NCAM2: variants seen among roughly 807,000 people sequenced by gnomAD.
The protein encoded by NCAM2 is N-CAM-2.
NCAM2 carries 30 observed loss-of-function variants against 98.1 expected under a neutral mutation model. The observed-to-expected ratio is 0.31, with a 90% CI of 0.23 to 0.41. The LOEUF is 0.41. Ranked by LOEUF, NCAM2 falls within the 10% of genes least tolerant of loss-of-function variation. NCAM2 has a pLI of 1.00. For synonymous variants in NCAM2, 368 were observed against 342.4 expected, an observed-to-expected ratio of 1.07 and a Z score of -0.83; for missense variants, 867 against 1,005.8, an observed-to-expected ratio of 0.86 and a Z score of 1.87.
intron 10 of NCAM2, among the ~76,000 whole-genome samples, chr21:21,413,246 T>C (rs1018843325): frequency 2.6e-5 from 4 of 152,166 alleles, no homozygotes. Context: ...TAGAATAATA[T>C]TGTGCTTTGC....
At chr21:21,523,014 G>A (rs1298692339) in intron 16 of NCAM2, among the ~76,000 whole-genome samples, 1 of 151,894 alleles carries the variant, frequency 6.6e-6, no homozygotes, top group African/African-American at 2.4e-5. Flanking sequence ...ACTTGTTTAT[G>A]TTTTGTTGTT....
At chr21:21,012,107 T>A (rs925057122) in intron 1 of NCAM2, among the ~76,000 whole-genome samples, 37 of 152,162 alleles carry the variant, frequency 2.4e-4, no homozygotes, top group Admixed American at 1.2e-3. Flanking sequence ...TATCATTGGT[T>A]CATTGCTTTT....
At chr21:21,326,424 A>G (rs1355570713) in intron 6 of NCAM2, among the ~76,000 whole-genome samples, 2 of 152,168 alleles carry the variant, frequency 1.3e-5, no homozygotes, top group Non-Finnish European at 2.9e-5. Context: ...TAGTTTGGTC[A>G]GTTTAGTTGT....
At chr21:21,478,617 T>A (rs1985464082) in intron 15 of NCAM2, among the ~76,000 whole-genome samples, 1 of 152,026 alleles carries the variant, frequency 6.6e-6, no homozygotes, top group Non-Finnish European at 1.5e-5. Flanking sequence ...ATATTAGAGC[T>A]TTATATTGCT....
chr21:21,358,315 A>G (rs1034365818), intron 8 of NCAM2, among the ~76,000 whole-genome samples: 5 of 152,076 alleles, frequency 3.3e-5, no homozygotes, highest in Non-Finnish European at 7.4e-5. Flanking sequence ...CTCACTCCCT[A>G]AGATATAACT....
At chr21:21,133,128 G>T (rs1405723245) in intron 1 of NCAM2, among the ~76,000 whole-genome samples, 1 of 151,962 alleles carries the variant, frequency 6.6e-6, no homozygotes, top group Non-Finnish European at 1.5e-5. Flanking sequence ...ACATTCCATT[G>T]CTTTAATTTA....
At chr21:21,464,721 T>A (rs531440717) in intron 12 of NCAM2, among the ~76,000 whole-genome samples, 1 of 152,284 alleles carries the variant, frequency 6.6e-6, no homozygotes, top group Non-Finnish European at 1.5e-5. Context: ...CATTCCATAA[T>A]CTATATAAAC....
intron 5 of NCAM2, among the ~76,000 whole-genome samples, chr21:21,316,033 CT>C (rs1350671108): frequency 6.6e-6 from 1 of 152,028 alleles, no homozygotes; most frequent in Non-Finnish European, 1.5e-5. Context: ...CAGATGCTTA[CT>C]TTTTTATTGA....
intron 1 of NCAM2, among the ~76,000 whole-genome samples, chr21:21,021,064 G>A (rs192332717): frequency 2.6e-5 from 4 of 152,156 alleles, no homozygotes; most frequent in Non-Finnish European, 5.9e-5. Context: ...GGAAAACATA[G>A]TATGCCAAGA....
At chr21:21,399,948 A>G (rs1337734984) in intron 9 of NCAM2, among the ~76,000 whole-genome samples, 1 of 152,218 alleles carries the variant, frequency 6.6e-6, no homozygotes, top group Non-Finnish European at 1.5e-5. Flanking sequence ...GAAATCTCAT[A>G]CTGCAGGAGA....
At position 21,115,065 on chromosome 21, in the gene NCAM2, C is replaced by T. The variant is rs193170896; in HGVS notation, c.55+116447C>T. 4.4e-3 allele frequency among the ~76,000 whole-genome samples: 674 copies of T among 152,212 alleles called. 8 individuals carry two copies. Among genetic ancestry groups the T allele is most frequent in the Non-Finnish European group, 3.9e-3 (265 of 68,020 alleles). ...CGAACTCCTGACCTTAGGTAATCTGCCTGCCTCAGCCTCCCAAAGTGCTGG... is the reference window on the plus strand; with the variant it reads ...CGAACTCCTGACCTTAGGTAATCTGTCTGCCTCAGCCTCCCAAAGTGCTGG... On this transcript the variant is annotated intron_variant, in intron 1 of 17. Transcript: ENST00000400546.
rs1034446574 is a variant in NCAM2, at chr21:21,186,888, G to T, written c.56-93690G>T. Among the ~76,000 whole-genome samples the T allele has an allele frequency of 6.6e-5, 10 of 152,020 alleles. 1 individual carries two copies. The highest frequency in any genetic ancestry group is 6.6e-4 in the Admixed American group (10 of 15,252). On this transcript the variant is annotated intron_variant, in intron 1 of 17. Coordinates refer to ENST00000400546, the MANE Select transcript of NCAM2 (RefSeq NM_004540.5). ...CAGTTTCTTTTTGATTTTTAAAAAA[G>T]ATAATAAAATTTGGAAAGGGAAACA...
intron 3 of NCAM2, among the ~76,000 whole-genome samples, chr21:21,284,741 T>A (rs758362538): frequency 6.6e-6 from 1 of 151,616 alleles, no homozygotes; most frequent in Non-Finnish European, 1.5e-5. Context: ...TAGAAGGTCA[T>A]GATTAGAATA....
intron 16 of NCAM2, among the ~76,000 whole-genome samples, chr21:21,522,199 A>G (rs1206094526): frequency 2.7e-5 from 4 of 148,200 alleles, no homozygotes; most frequent in African/African-American, 7.3e-5. Flanking sequence ...TGCTATATAT[A>G]TGAATATGAT....
chr21:21,212,144 C>T (rs991489837), intron 1 of NCAM2, among the ~76,000 whole-genome samples: 4 of 152,064 alleles, frequency 2.6e-5, no homozygotes, highest in East Asian at 1.9e-4. Flanking sequence ...AGCCAAAAAC[C>T]GGAATCAACC....
At chr21:21,340,184 T>G (rs1241267421) in intron 8 of NCAM2, among the ~76,000 whole-genome samples, 1 of 151,940 alleles carries the variant, frequency 6.6e-6, no homozygotes, top group Non-Finnish European at 1.5e-5. Context: ...TTTACTTTCA[T>G]GCCCTTAGAC....
intron 1 of NCAM2, among the ~76,000 whole-genome samples, chr21:21,232,759 CT>C (rs1307248244): frequency 6.6e-6 from 1 of 151,586 alleles, no homozygotes; most frequent in Non-Finnish European, 1.5e-5. Context: ...CCCAACATTG[CT>C]TTAGTTTTAT....
At chr21:21,029,674 A>G (rs1259019231) in intron 1 of NCAM2, among the ~76,000 whole-genome samples, 1 of 151,938 alleles carries the variant, frequency 6.6e-6, no homozygotes, top group East Asian at 1.9e-4. Context: ...CTCTGTTGCC[A>G]GGCTGGAGTA....
At chr21:21,124,566 T>C (rs1185392163) in intron 1 of NCAM2, among the ~76,000 whole-genome samples, 1 of 152,188 alleles carries the variant, frequency 6.6e-6, no homozygotes, top group African/African-American at 2.4e-5. Flanking sequence ...GGGTAAAAAC[T>C]TATGCTCAGG....
Sources: gnomAD v4.1 joint callset for allele counts (sites outside exome capture counted in the v4.1 genomes callset) on GRCh38, gnomAD v4.1.1 for gene constraint, MANE v1.5 for transcripts, NCBI Gene and HGNC (gene_info 2026-07-23, HGNC 2026-07-21) for gene names.